The following SAFB2 variants were observed in gnomAD, a reference collection of about 807,000 sequenced individuals.
The protein encoded by SAFB2 is scaffold attachment factor B2.
Under a neutral mutation model 100.6 loss-of-function variants are expected in SAFB2, and 32 were observed. That is an observed-to-expected ratio of 0.32 (90% CI 0.24 to 0.43). The LOEUF (loss-of-function observed/expected upper bound fraction) is 0.43, where lower values mean the gene tolerates loss of function less well. Among genes scored for constraint, SAFB2 ranks in the 20% least tolerant of loss-of-function variants. SAFB2 has a pLI of 1.00. For missense variants in SAFB2, 1,185 were observed against 1,163.4 expected, an observed-to-expected ratio of 1.02 and a Z score of -0.27; for synonymous variants, 500 against 439.4, an observed-to-expected ratio of 1.14 and a Z score of -1.72.
intron 9 of SAFB2, among the ~76,000 whole-genome samples, chr19:5,606,006 C>A (rs553776915): frequency 6.6e-6 from 1 of 152,332 alleles, no homozygotes; most frequent in South Asian, 2.1e-4. Context: ...AAACCAGAGG[C>A]TGGGACAGCA....
At position 5,613,378 on chromosome 19, in the gene SAFB2, C is replaced by T. The variant is rs2052951438; in HGVS notation, c.606+87G>A. On this transcript the variant is annotated intron_variant, in intron 5 of 20. Coordinates refer to ENST00000252542, the MANE Select transcript of SAFB2 (RefSeq NM_014649.3). ...CATCCAGCACAGTATCCAGTCATTT[C>T]CATACACATACACACTGCTCTTTCA... 2.6e-6 allele frequency: 3 copies of T among 1,169,652 alleles called. No individual in the cohort carries two copies. In the East Asian group the frequency reaches 7.3e-5, roughly 28 times the overall value. 72.5% of individuals were successfully genotyped at this position (1,169,652 alleles called of 1,614,324 possible).
chr19:5,600,276 G>C lies in SAFB2; in HGVS notation c.1560-16C>G, dbSNP rs748800064. The stretch of plus-strand genomic sequence containing the variant: ...AATTACAGTTCTATTTAAAGACATG[G>C]TTATCAAATTTGAGTTCACAAGACT... On this transcript the variant is annotated splice_polypyrimidine_tract_variant and intron_variant, in intron 11 of 20. Transcript: ENST00000252542. 6.2e-7 allele frequency: 1 copy of C among 1,609,272 alleles called. No individual in the cohort carries two copies. Among genetic ancestry groups the C allele is most frequent in the East Asian group, 2.2e-5 (1 of 44,794 alleles).
At chr19:5,604,201 AG>A in intron 11 of SAFB2, among the ~76,000 whole-genome samples, 1 of 152,332 alleles carries the variant, frequency 6.6e-6, no homozygotes, top group East Asian at 1.9e-4. Context: ...ATGTGAACTC[AG>A]GAGTTTGAGA....
intron 14 of SAFB2, 91 bp from the exon 15 acceptor site, chr19:5,594,269 G>GA (rs879537907): frequency 0.014 from 17,743 of 1,232,260 alleles, 15 homozygotes; most frequent in Non-Finnish European, 0.015. Flanking sequence ...ATTGGAAGCA[G>GA]AAAAAAAAAA....
chr19:5,593,014 G>A (rs1456000070), intron 15 of SAFB2, 127 bp from the exon 16 acceptor site: 4 of 816,934 alleles, frequency 4.9e-6, no homozygotes, highest in Non-Finnish European at 7.7e-6. Context: ...TGTCCTGCAG[G>A]GCTAATCTCT....
At chr19:5,605,174 G>A (rs1167834998) in intron 9 of SAFB2, among the ~76,000 whole-genome samples, 3 of 146,614 alleles carry the variant, frequency 2.0e-5, no homozygotes, top group Admixed American at 1.5e-4. Context: ...TCGCGATCTC[G>A]GCTCACCGCG....
In SAFB2 at chr19:5,593,881, C is replaced by G; in HGVS notation, c.2207+10G>C. ...GTCTCCGTCCTGCCCACGCTCTGGG[C>G]GGGACTCACCGGTCCAGGTCGTAGG... On this transcript the variant is annotated intron_variant, in intron 15 of 20. Coordinates refer to ENST00000252542, the MANE Select transcript of SAFB2 (RefSeq NM_014649.3). 1 of 1,478,856 alleles carries G rather than the reference C, an allele frequency of 6.8e-7. No homozygotes were observed. The highest frequency in any genetic ancestry group is 8.9e-7 in the Non-Finnish European group (1 of 1,124,762). 91.6% of individuals were successfully genotyped at this position (1,478,856 alleles called of 1,614,324 possible). A position where few individuals can be genotyped will look rare whatever the true frequency, so the allele number is the denominator to read the frequency against.
At chr19:5,615,929 C>T (rs2053018217) in intron 4 of SAFB2, among the ~76,000 whole-genome samples, 1 of 152,230 alleles carries the variant, frequency 6.6e-6, no homozygotes, top group African/African-American at 2.4e-5. Context: ...TATAAAAACA[C>T]TCCCCAGTGC....
chr19:5,610,108 G>A lies in SAFB2; in HGVS notation c.1196-13C>T. The stretch of plus-strand genomic sequence containing the variant: ...CTGCCGACCCGACCTGGCACGAGAG[G>A]GAGATTCTTAGGCATCACCCCAAGG... On this transcript the variant is annotated splice_polypyrimidine_tract_variant and intron_variant, in intron 8 of 20. Coordinates refer to ENST00000252542, the MANE Select transcript of SAFB2 (RefSeq NM_014649.3). 6.2e-7 allele frequency: 1 copy of A among 1,612,384 alleles called. No individual in the cohort carries two copies. Among genetic ancestry groups the A allele is most frequent in the Non-Finnish European group, 8.5e-7 (1 of 1,178,602 alleles).
intron 2 of SAFB2, among the ~76,000 whole-genome samples, chr19:5,620,556 C>T (rs367869725): frequency 1.8e-4 from 27 of 152,332 alleles, no homozygotes; most frequent in African/African-American, 5.8e-4. Context: ...CATTATGCTA[C>T]GTGAAAGCTG....
rs1185206646 is a variant in SAFB2 at position 5,594,169 on chromosome 19, C to T, written c.1929G>A (p.Glu643=). The part of the protein sequence containing the change: ...IRETERRRER[E]QREREQRLEA... ...CGAGGCGTTGCTCCCGCTCCCGCTG[C>T]TCGCGCTCCCTGCGGGGACAGGTGA... The change falls in exon 15 of 21, where the codon GAG becomes GAA. Residue 643 remains glutamate, a synonymous_variant. Transcript: ENST00000252542. The T allele has an allele frequency of 6.3e-7, 1 of 1,594,292 alleles. No individual in the cohort carries two copies. The highest frequency in any genetic ancestry group is 1.3e-5 in the African/African-American group (1 of 74,718).
Position 5,594,018 on chromosome 19 carries a change from CGCGCAT to C in SAFB2, c.2074_2079del (p.Met692_Arg693del). The stretch of plus-strand genomic sequence containing the variant: ...TGCTCCTTCCTGCGCTCACGCTCCA[CGCGCAT>C]GCGCTCGCGCTCCAGCCGCTCCCGC... On this transcript the variant is annotated inframe_deletion, in exon 15 of 21. Coordinates refer to ENST00000252542, the MANE Select transcript of SAFB2 (RefSeq NM_014649.3). 1.3e-6 allele frequency: 2 copies of C among 1,565,570 alleles called. No individual in the cohort carries two copies. The highest frequency in any genetic ancestry group is 1.7e-6 in the Non-Finnish European group (2 of 1,162,632).
intron 17 of SAFB2, 159 bp downstream of exon 17, chr19:5,591,589 C>A (rs2052405597): frequency 1.6e-6 from 1 of 634,786 alleles, no homozygotes; most frequent in East Asian, 2.8e-5. Flanking sequence ...AATATTTGTA[C>A]TTCTAGTCGC....
In SAFB2 at chr19:5,592,204, G is replaced by T. The variant is rs186354395; in HGVS notation, c.2349-411C>A. Among the ~76,000 whole-genome samples the T allele has an allele frequency of 2.7e-4, 41 of 152,240 alleles. No homozygotes were observed. In the East Asian group the frequency reaches 2.9e-3, roughly 11 times the overall value. ...CCTGTTCTCCCCGCTCTGACATTCCGACTGAAGGAGCCAATGAATGGGGAA... is the reference window on the plus strand; with the variant it reads ...CCTGTTCTCCCCGCTCTGACATTCCTACTGAAGGAGCCAATGAATGGGGAA... On this transcript the variant is annotated intron_variant, in intron 16 of 20. Transcript: ENST00000252542.
At chr19:5,605,431 G>A (rs568058243) in intron 9 of SAFB2, among the ~76,000 whole-genome samples, 1 of 152,198 alleles carries the variant, frequency 6.6e-6, no homozygotes, top group East Asian at 1.9e-4. Context: ...TTTAATACAA[G>A]ATAAGTCATC....
At chr19:5,621,913 C>T (rs1421548506) in intron 1 of SAFB2, among the ~76,000 whole-genome samples, 1 of 152,216 alleles carries the variant, frequency 6.6e-6, no homozygotes, top group Non-Finnish European at 1.5e-5. Flanking sequence ...TTCCCAACCC[C>T]TTAATATTTT....
intron 13 of SAFB2, 149 bp from the exon 14 acceptor site, chr19:5,595,646 T>C (rs1171564457): frequency 2.1e-6 from 2 of 958,486 alleles, no homozygotes; most frequent in African/African-American, 1.7e-5. Flanking sequence ...GGCCCAGGCA[T>C]AGGCTGCTTC....
chr19:5,620,272 TA>T (rs999700317), intron 2 of SAFB2, among the ~76,000 whole-genome samples: 4 of 152,162 alleles, frequency 2.6e-5, no homozygotes, highest in Non-Finnish European at 5.9e-5. Flanking sequence ...AAAAAGCTAT[TA>T]AAAAAATGAA....
intron 11 of SAFB2, among the ~76,000 whole-genome samples, chr19:5,604,016 T>C (rs76478684): frequency 2.6e-4 from 39 of 152,340 alleles, no homozygotes; most frequent in Non-Finnish European, 5.1e-4. Flanking sequence ...TACTGTTTTT[T>C]CAAAAGGCTA....
Sources: allele counts gnomAD v4.1 joint callset (sites outside exome capture counted in the v4.1 genomes callset), GRCh38; gene constraint gnomAD v4.1.1; transcripts MANE v1.5; gene names NCBI Gene and HGNC (gene_info 2026-07-23, HGNC 2026-07-21).